The following MRPS6 variants were observed in gnomAD, a reference collection of about 807,000 sequenced individuals.
MRPS6 encodes mitochondrial ribosomal protein S6.
MRPS6 carries 6 observed loss-of-function variants against 13.1 expected under a neutral mutation model. The observed-to-expected ratio is 0.46, with a 90% CI of 0.25 to 0.91. The LOEUF (loss-of-function observed/expected upper bound fraction) is 0.91. MRPS6 is among the 40% of genes least tolerant of loss of function. MRPS6 has a pLI of 0.18. For missense variants in MRPS6, 164 were observed against 155.6 expected, an observed-to-expected ratio of 1.05 and a Z score of -0.29; for synonymous variants, 61 against 56.5, an observed-to-expected ratio of 1.08 and a Z score of -0.36.
chr21:34,116,180 G>T (rs1467903424), intron 1 of MRPS6, among the ~76,000 whole-genome samples: 2 of 83,512 alleles, frequency 2.4e-5, no homozygotes, highest in East Asian at 5.3e-4. Context: ...AGCTAATTTT[G>T]TGTGTGTGTG....
chr21:34,092,072 G>A (rs1363727980), intron 1 of MRPS6, among the ~76,000 whole-genome samples: 1 of 152,004 alleles, frequency 6.6e-6, no homozygotes, highest in Non-Finnish European at 1.5e-5. Context: ...ACCCTGGACA[G>A]TGCTCATTGT....
At chr21:34,085,027 C>T (rs141563749) in intron 1 of MRPS6, among the ~76,000 whole-genome samples, 5 of 152,276 alleles carry the variant, frequency 3.3e-5, no homozygotes, top group South Asian at 2.1e-4. Flanking sequence ...ACATTCAAAA[C>T]GGACATTGAT....
chr21:34,075,521 A>G (rs375694843), intron 1 of MRPS6, among the ~76,000 whole-genome samples: 5 of 152,148 alleles, frequency 3.3e-5, no homozygotes, highest in African/African-American at 1.2e-4. Flanking sequence ...CTTCCTTGAA[A>G]TCTTCGCATG....
chr21:34,101,264 C>G, intron 1 of MRPS6: 2 of 1,000,186 alleles, frequency 2.0e-6, no homozygotes, highest in Non-Finnish European at 2.4e-6. Context: ...AGCACCTTGG[C>G]TCTCAGCTAC....
chr21:34,119,726 A>G (rs62212127), intron 1 of MRPS6, among the ~76,000 whole-genome samples: 8,695 of 152,252 alleles, frequency 0.057, 290 homozygotes, highest in Middle Eastern at 0.13. Context: ...CATAGAGTCT[A>G]ATTTCTAAGA....
intron 2 of MRPS6, among the ~76,000 whole-genome samples, chr21:34,133,033 T>C (rs1336786572): frequency 6.6e-6 from 1 of 152,180 alleles, no homozygotes; most frequent in Non-Finnish European, 1.5e-5. Context: ...GGGAGAGGGC[T>C]GCTGGACCCC....
intron 2 of MRPS6, among the ~76,000 whole-genome samples, chr21:34,139,479 TTAA>T (rs1980833494): frequency 6.6e-6 from 1 of 152,228 alleles, no homozygotes; most frequent in Non-Finnish European, 1.5e-5. Context: ...ACATATTTCG[TTAA>T]TAAGATATAG....
intron 1 of MRPS6, among the ~76,000 whole-genome samples, chr21:34,111,306 AAT>A (rs1218947123): frequency 2.0e-5 from 3 of 152,172 alleles, no homozygotes; most frequent in Non-Finnish European, 4.4e-5. Context: ...ACCCATAAGA[AAT>A]AGAACATTAC....
rs1569423856 is a variant in MRPS6, at chr21:34,125,454, CCA to C, written c.162_163del (p.His54GlnfsTer22). The C allele has an allele frequency of 6.2e-7, 1 of 1,614,012 alleles. No homozygotes were observed. On this transcript the variant is annotated frameshift_variant, in exon 2 of 3. Coordinates refer to ENST00000399312, the MANE Select transcript of MRPS6 (RefSeq NM_032476.4). LOFTEE classifies it high-confidence loss of function. Reference sequence around the variant, plus strand: ...GAGCGCTTCCTTATAGGATCTCTGCCCACAGTCAGCAGCACAACAGAGGCGGG... The same window carrying C: ...GAGCGCTTCCTTATAGGATCTCTGCCCAGTCAGCAGCACAACAGAGGCGGG... Reference protein sequence around the residue: ...ERALPYRISAHSQQHNRGGYF... With the variant: ...ERALPYRISAXSQQHNRGGYF...
chr21:34,137,469 C>T (rs186577212), intron 2 of MRPS6, among the ~76,000 whole-genome samples: 1 of 152,272 alleles, frequency 6.6e-6, no homozygotes, highest in South Asian at 2.1e-4. Context: ...TGCAATCCTG[C>T]TAAACTCATT....
intron 2 of MRPS6, among the ~76,000 whole-genome samples, chr21:34,137,575 G>T (rs755738730): frequency 6.6e-6 from 1 of 152,044 alleles, no homozygotes; most frequent in Non-Finnish European, 1.5e-5. Context: ...ATCAGTCTAG[G>T]TACCTATTCT....
chr21:34,102,519 T>C, intron 1 of MRPS6: 1 of 1,000,042 alleles, frequency 1.0e-6, no homozygotes, highest in South Asian at 4.7e-5. Context: ...AAAAACTGTT[T>C]GGTATATCTG....
chr21:34,107,483 C>G (rs920821629), intron 1 of MRPS6, among the ~76,000 whole-genome samples: 3 of 152,124 alleles, frequency 2.0e-5, no homozygotes, highest in Non-Finnish European at 4.4e-5. Flanking sequence ...TATTTTTTCC[C>G]TTTGGTAATA....
intron 1 of MRPS6, among the ~76,000 whole-genome samples, chr21:34,075,764 A>G (rs1459488931): frequency 6.6e-6 from 1 of 152,252 alleles, no homozygotes; most frequent in Non-Finnish European, 1.5e-5. Flanking sequence ...ATGTGGCACA[A>G]ACACAAAGAC....
intron 2 of MRPS6, among the ~76,000 whole-genome samples, chr21:34,139,507 T>C (rs1370275840): frequency 2.6e-5 from 4 of 152,200 alleles, no homozygotes; most frequent in Admixed American, 1.3e-4. Flanking sequence ...ATTCAAGTTA[T>C]CTGTACTTCT....
intron 2 of MRPS6, among the ~76,000 whole-genome samples, chr21:34,126,591 G>GTGTC (rs371473334): frequency 6.6e-6 from 1 of 152,228 alleles, no homozygotes; most frequent in Non-Finnish European, 1.5e-5. Context: ...GAGAGCATGT[G>GTGTC]TGTCTGTCTG....
rs1189213108 is a variant in MRPS6 at position 34,096,638 on chromosome 21, T to C, written c.45+22893T>C. ...ATGGTGGAATGGCTGGCTTTGTTCT[T>C]GGAGCAGTCCGTTTGATACTGGCCT... On this transcript the variant is annotated intron_variant, in intron 1 of 2. Transcript: ENST00000399312. The surrounding 1 kb of genome is among the most constrained non-coding windows in gnomAD (Gnocchi z 5.9). 6.2e-7 allele frequency: 1 copy of C among 1,614,168 alleles called. No homozygotes were observed. Among genetic ancestry groups the C allele is most frequent in the South Asian group, 1.1e-5 (1 of 91,088 alleles).
rs1438385373 is a variant in MRPS6 at position 34,104,582 on chromosome 21, A to G, written c.46-20759A>G. 3 of 999,658 alleles carry G rather than the reference A, an allele frequency of 3.0e-6. No homozygotes were observed. In the African/African-American group the frequency reaches 5.2e-5, roughly 17 times the overall value. 61.9% of individuals were successfully genotyped at this position (999,658 alleles called of 1,614,324 possible). A position where few individuals can be genotyped will look rare whatever the true frequency, so the allele number is the denominator to read the frequency against. ...TATATCTGGTGTAGACTAATATGAG[A>G]TGTTTTAGAAGAGTTAACCTGAACA... On this transcript the variant is annotated intron_variant, in intron 1 of 2. Transcript: ENST00000399312.
chr21:34,098,871 G>A, intron 1 of MRPS6: 1 of 999,712 alleles, frequency 1.0e-6, no homozygotes, highest in Middle Eastern at 5.2e-4. Flanking sequence ...AGCAAATTAT[G>A]TATGTACTTT....
Sources: gnomAD v4.1 joint callset for allele counts (sites outside exome capture counted in the v4.1 genomes callset) on GRCh38, gnomAD v4.1.1 for gene constraint, Gnocchi (gnomAD v3.1) non-coding constraint, MANE v1.5 for transcripts, NCBI Gene and HGNC (gene_info 2026-07-23, HGNC 2026-07-21) for gene names.